Variants in ATP8A2 observed in about 807,000 individuals in gnomAD.
The protein encoded by ATP8A2 is phospholipid-transporting ATPase IB.
ATP8A2 carries 100 observed loss-of-function variants against 165.6 expected under a neutral mutation model. The ratio of observed to expected loss-of-function variants is 0.60; its 90% CI spans 0.51 to 0.71. The LOEUF is 0.71. ATP8A2 is among the 30% of genes least tolerant of loss of function. The probability of loss-of-function intolerance (pLI) is 0.00; values close to 1 mark genes in which losing one functional copy is unlikely to be tolerated. For synonymous variants in ATP8A2, 543 were observed against 548.8 expected (o/e 0.99, Z 0.15); for missense variants, 1,227 against 1,479.5 (o/e 0.83, Z 2.80).
intron 25 of ATP8A2, among the ~76,000 whole-genome samples, chr13:25,740,059 C>T (rs2043874087): frequency 6.6e-6 from 1 of 152,152 alleles, no homozygotes; most frequent in African/African-American, 2.4e-5. Context: ...CCTGTAATCC[C>T]AGCACTTTGG....
chr13:25,425,823 G>A (rs959849702), intron 1 of ATP8A2, among the ~76,000 whole-genome samples: 23 of 152,212 alleles, frequency 1.5e-4, no homozygotes, highest in Non-Finnish European at 2.6e-4. Context: ...TGATCCGCCC[G>A]CCTCCGCCTC....
chr13:25,390,058 G>T (rs970023492), intron 1 of ATP8A2, among the ~76,000 whole-genome samples: 1 of 152,130 alleles, frequency 6.6e-6, no homozygotes, highest in Non-Finnish European at 1.5e-5. Flanking sequence ...GCAGTGGTGC[G>T]ATCTCAGCTG....
chr13:25,723,476 TG>T (rs138180105), intron 25 of ATP8A2, among the ~76,000 whole-genome samples: 4,114 of 152,316 alleles, frequency 0.027, 83 homozygotes, highest in Middle Eastern at 0.065. Context: ...TTGGCTACAG[TG>T]AGTTTCTTGT....
intron 1 of ATP8A2, among the ~76,000 whole-genome samples, chr13:25,432,372 G>T (rs2034640250): frequency 6.6e-6 from 1 of 152,174 alleles, no homozygotes; most frequent in Admixed American, 6.5e-5. Context: ...GCTCCCCTAG[G>T]GAATAGGATG....
At position 25,814,620 on chromosome 13, in the gene ATP8A2, T is replaced by TAAAAAA. The variant is rs3981881; in HGVS notation, c.2680-13485_2680-13480dup. ...AACAAGAGTGCCGAGAGCATTCAAT[T>TAAAAAA]AAAAAAAAAAAAAAAAAAGTCCTTT... is the stretch of plus-strand genomic sequence containing the variant. On this transcript the variant is annotated intron_variant, in intron 27 of 36. Transcript: ENST00000381655. Among the ~76,000 whole-genome samples the TAAAAAA allele has an allele frequency of 1.5e-5, 2 of 129,610 alleles. 1 individual carries two copies. Among genetic ancestry groups the TAAAAAA allele is most frequent in the Non-Finnish European group, 3.2e-5 (2 of 63,128 alleles). 85.0% of individuals were successfully genotyped at this position (129,610 alleles called of 152,430 possible). A position where few individuals can be genotyped will look rare whatever the true frequency, so the allele number is the denominator to read the frequency against.
At chr13:25,408,257 G>T (rs1343753113) in intron 1 of ATP8A2, among the ~76,000 whole-genome samples, 1 of 152,098 alleles carries the variant, frequency 6.6e-6, no homozygotes, top group Non-Finnish European at 1.5e-5. Context: ...ACCGGGCATG[G>T]TGGCTCCCGC....
chr13:25,551,573 T>C, intron 11 of ATP8A2, 70 bp downstream of exon 11: 2 of 1,485,284 alleles, frequency 1.3e-6, no homozygotes, highest in Non-Finnish European at 1.8e-6. Context: ...GCAGCCATGG[T>C]TGAAGTGTGG....
At chr13:25,805,344 A>T (rs1039762092) in intron 27 of ATP8A2, among the ~76,000 whole-genome samples, 1 of 152,026 alleles carries the variant, frequency 6.6e-6, no homozygotes, top group African/African-American at 2.4e-5. Context: ...ATCTATCTCT[A>T]TAAAAAATGC....
chr13:25,512,966 C>T (rs2037307722), intron 2 of ATP8A2, among the ~76,000 whole-genome samples: 1 of 136,508 alleles, frequency 7.3e-6, no homozygotes, highest in African/African-American at 2.6e-5. Flanking sequence ...GGGGCTGACC[C>T]CCCCACCTCC....
rs149924919 is a variant in ATP8A2 at position 25,820,583 on chromosome 13, G to A, written c.2680-7535G>A. On this transcript the variant is annotated intron_variant, in intron 27 of 36. Transcript: ENST00000381655. ...GTTTGTATTGAAGGCTCTGCGTTTA[G>A]TGTACACAGCTGGGAACTTGTGGCC... Among the ~76,000 whole-genome samples, 6 of 152,294 alleles carry A rather than the reference G, an allele frequency of 3.9e-5. No homozygotes were observed. The East Asian group carries it at 9.6e-4, about 24-fold the overall frequency.
chr13:25,467,964 T>C (rs2035717160), intron 1 of ATP8A2, among the ~76,000 whole-genome samples: 1 of 152,184 alleles, frequency 6.6e-6, no homozygotes, highest in African/African-American at 2.4e-5. Flanking sequence ...TCTTCATCTG[T>C]AGAGTATTAA....
chr13:25,867,594 G>T (rs570947330), intron 33 of ATP8A2, among the ~76,000 whole-genome samples: 1 of 152,152 alleles, frequency 6.6e-6, no homozygotes, highest in Non-Finnish European at 1.5e-5. Context: ...TCCTAAGGGT[G>T]CCTAGTGTGT....
chr13:25,749,631 TG>T (rs915505930), intron 25 of ATP8A2, among the ~76,000 whole-genome samples: 37 of 152,006 alleles, frequency 2.4e-4, no homozygotes, highest in Middle Eastern at 3.4e-3. Context: ...AGGCTGTTCC[TG>T]GGGCAAGGGA....
intron 27 of ATP8A2, among the ~76,000 whole-genome samples, chr13:25,775,219 C>T (rs1165469289): frequency 3.3e-5 from 5 of 152,168 alleles, no homozygotes; most frequent in African/African-American, 1.2e-4. Flanking sequence ...AGCTCTCCTC[C>T]TGTGTTCCTC....
At chr13:25,533,229 T>A in intron 5 of ATP8A2, 44 bp from the exon 6 acceptor site, 1 of 1,040,426 alleles carries the variant, frequency 9.6e-7, no homozygotes, top group South Asian at 1.4e-5. Flanking sequence ...GCTGATTCAA[T>A]TTAACACCAG....
intron 2 of ATP8A2, among the ~76,000 whole-genome samples, chr13:25,513,766 G>C (rs943078168): frequency 2.6e-5 from 4 of 152,338 alleles, no homozygotes; most frequent in South Asian, 2.1e-4. Context: ...ACCAGCCCGG[G>C]CAACACAGCG....
At chr13:25,515,989 A>G (rs2037456053) in intron 2 of ATP8A2, among the ~76,000 whole-genome samples, 1 of 152,270 alleles carries the variant, frequency 6.6e-6, no homozygotes, top group Non-Finnish European at 1.5e-5. Flanking sequence ...AAAGTTTGAC[A>G]ATTATGTGAG....
intron 16 of ATP8A2, among the ~76,000 whole-genome samples, chr13:25,568,820 C>T (rs1333074660): frequency 2.0e-5 from 3 of 152,100 alleles, no homozygotes; most frequent in South Asian, 2.1e-4. Context: ...TACACACATA[C>T]ATATATACAC....
chr13:25,998,552 A>C (rs1356004787), intron 35 of ATP8A2, among the ~76,000 whole-genome samples: 4 of 152,118 alleles, frequency 2.6e-5, no homozygotes, highest in African/African-American at 9.7e-5. Flanking sequence ...GGCATTTGCT[A>C]GGTAGGCTTC....
Sources: gnomAD v4.1 joint callset for allele counts (sites outside exome capture counted in the v4.1 genomes callset) on GRCh38, gnomAD v4.1.1 for gene constraint, MANE v1.5 for transcripts, NCBI Gene and HGNC (gene_info 2026-07-23, HGNC 2026-07-21) for gene names.